The following TMEM178B variants were observed in gnomAD, a reference collection of about 807,000 sequenced individuals.
TMEM178B encodes the protein transmembrane protein 178B.
TMEM178B carries 5 observed loss-of-function variants against 31.0 expected under a neutral mutation model. The ratio of observed to expected loss-of-function variants is 0.16; its 90% CI spans 0.08 to 0.34. The LOEUF (loss-of-function observed/expected upper bound fraction) is 0.34. TMEM178B is among the 10% of genes least tolerant of loss of function. The pLI, the probability that TMEM178B is intolerant of heterozygous loss-of-function variation, is 1.00. For missense variants in TMEM178B, 275 were observed against 400.3 expected, an observed-to-expected ratio of 0.69 and a Z score of 2.67; for synonymous variants, 164 against 164.0, an observed-to-expected ratio of 1.00 and a Z score of 0.00.
the TMEM178B span, among the ~76,000 whole-genome samples, chr7:141,486,540 G>A: frequency 6.6e-6 from 1 of 151,938 alleles, no homozygotes; most frequent in Admixed American, 6.6e-5. Flanking sequence ...CTAGGGTGGG[G>A]GACTCCTTAG....
rs116068841 is a variant in TMEM178B, at chr7:141,246,846, G to A, written c.496+34142G>A. On this transcript the variant is annotated intron_variant, in intron 2 of 3. Coordinates refer to ENST00000565468, the MANE Select transcript of TMEM178B (RefSeq NM_001195278.2). ...CCTTAGGGGCTACGGGGCTGCTGTA[G>A]GATCTGAATAAGGGAGCATGTCCAG... Among the ~76,000 whole-genome samples the A allele has an allele frequency of 4.7e-3, 710 of 152,228 alleles. 6 individuals carry two copies. Among genetic ancestry groups the A allele is most frequent in the African/African-American group, 0.016 (673 of 41,522 alleles).
At chr7:141,363,585 G>T (rs1434763571) in intron 2 of TMEM178B, among the ~76,000 whole-genome samples, 1 of 152,178 alleles carries the variant, frequency 6.6e-6, no homozygotes, top group African/African-American at 2.4e-5. Context: ...GCTCTCTGAG[G>T]CTGAATGTTT....
rs2129182770 is a variant in TMEM178B, at chr7:141,171,153, G to A, written c.383-41438G>A. Among the ~76,000 whole-genome samples, 1 of 152,076 alleles carries A rather than the reference G, an allele frequency of 6.6e-6. No homozygotes were observed. Among genetic ancestry groups the A allele is most frequent in the Middle Eastern group, 3.4e-3 (1 of 294 alleles). ...ACTCTTAGCTCTTCAGGGTAGGCCT[G>A]TTGTTTATTTAAAAATAGGTTGGGT... is the stretch of plus-strand genomic sequence containing the variant. On this transcript the variant is annotated intron_variant, in intron 1 of 3. Transcript: ENST00000565468. The surrounding 1 kb of genome is among the most constrained non-coding windows in gnomAD (Gnocchi z 4.3).
intron 1 of TMEM178B, among the ~76,000 whole-genome samples, chr7:141,115,113 G>A (rs1488612663): frequency 6.6e-6 from 1 of 152,006 alleles, no homozygotes; most frequent in Non-Finnish European, 1.5e-5. Flanking sequence ...CGTGATCTTG[G>A]CTCACTGCAA....
chr7:141,506,012 G>T, the TMEM178B span, among the ~76,000 whole-genome samples: 1 of 152,194 alleles, frequency 6.6e-6, no homozygotes, highest in Non-Finnish European at 1.5e-5. Flanking sequence ...TATGGGCCAG[G>T]TCCCTTTGCA....
chr7:141,172,369 G>A (rs1288989528), intron 1 of TMEM178B, among the ~76,000 whole-genome samples: 1 of 152,132 alleles, frequency 6.6e-6, no homozygotes, highest in African/African-American at 2.4e-5. Context: ...CCCTTGATGG[G>A]GAGTGTTGGG....
At chr7:141,493,175 C>A in the TMEM178B span, among the ~76,000 whole-genome samples, 2 of 152,158 alleles carry the variant, frequency 1.3e-5, no homozygotes, top group African/African-American at 4.8e-5. Context: ...GACATCTCCC[C>A]AACCCCAACT....
intron 2 of TMEM178B, among the ~76,000 whole-genome samples, chr7:141,369,040 C>G (rs530611774): frequency 6.6e-6 from 1 of 152,190 alleles, no homozygotes; most frequent in Non-Finnish European, 1.5e-5. Context: ...TTGCTCACCC[C>G]CCTTTCCCAG....
Position 141,134,902 on chromosome 7 carries a change from A to G in TMEM178B, c.382+60210A>G, listed in dbSNP as rs528509910. 5.9e-5 allele frequency among the ~76,000 whole-genome samples: 9 copies of G among 152,272 alleles called. No individual in the cohort carries two copies. In the East Asian group the frequency reaches 1.4e-3, roughly 23 times the overall value. On this transcript the variant is annotated intron_variant, in intron 1 of 3. Transcript: ENST00000565468. ...ATCTTATATCTCCCATAAGTACCAC[A>G]TGTTTTGGGAGGGAGCCAGTGGGAG...
At chr7:141,429,696 C>G (rs1027480069) in intron 2 of TMEM178B, 1 of 152,176 alleles carries the variant, frequency 6.6e-6, no homozygotes, top group African/African-American at 2.4e-5. Context: ...GTAGCTGTTA[C>G]GTGCTCCTCC....
At chr7:141,390,181 A>C (rs1800509516) in intron 2 of TMEM178B, among the ~76,000 whole-genome samples, 1 of 152,252 alleles carries the variant, frequency 6.6e-6, no homozygotes. Context: ...AAGCCAAGCC[A>C]AAACTGAGTT....
intron 1 of TMEM178B, among the ~76,000 whole-genome samples, chr7:141,077,251 C>G (rs1247802098): frequency 6.6e-6 from 1 of 152,206 alleles, no homozygotes; most frequent in Non-Finnish European, 1.5e-5. Flanking sequence ...TCTCAGACCT[C>G]TGTCTTCTTT....
chr7:141,486,106 G>C, the TMEM178B span, among the ~76,000 whole-genome samples: 4 of 152,230 alleles, frequency 2.6e-5, no homozygotes, highest in African/African-American at 9.6e-5. Flanking sequence ...TAACAACATG[G>C]ATGGAACTGG....
chr7:141,334,676 C>G (rs1340686928), intron 2 of TMEM178B, among the ~76,000 whole-genome samples: 1 of 152,174 alleles, frequency 6.6e-6, no homozygotes, highest in Non-Finnish European at 1.5e-5. Flanking sequence ...AGACCCTCAT[C>G]CTCCTCCTCT....
intron 2 of TMEM178B, among the ~76,000 whole-genome samples, chr7:141,335,496 A>G (rs1799369000): frequency 6.6e-6 from 1 of 152,140 alleles, no homozygotes; most frequent in Admixed American, 6.5e-5. Flanking sequence ...GGTTCTGGAC[A>G]ATTGGACAGG....
At chr7:141,485,652 A>G in the TMEM178B span, among the ~76,000 whole-genome samples, 1 of 152,250 alleles carries the variant, frequency 6.6e-6, no homozygotes, top group African/African-American at 2.4e-5. Flanking sequence ...CATAAAGAAT[A>G]CCAGTGGGAA....
chr7:141,118,740 C>T (rs1795363720), intron 1 of TMEM178B, among the ~76,000 whole-genome samples: 1 of 152,096 alleles, frequency 6.6e-6, no homozygotes. Context: ...GGTTAATTTG[C>T]CTATTTGAAA....
chr7:141,385,230 A>G lies in TMEM178B; in HGVS notation c.497-52378A>G, dbSNP rs1046418176. 2.6e-5 allele frequency among the ~76,000 whole-genome samples: 4 copies of G among 152,326 alleles called. No homozygotes were observed. In the South Asian group the frequency reaches 8.3e-4, roughly 32 times the overall value. ...ATGTTTCATGGTCCTTAATTATGGCAGCTCTTCAGTAGCTGCAATGTGTCC... is the reference window on the plus strand; with the variant it reads ...ATGTTTCATGGTCCTTAATTATGGCGGCTCTTCAGTAGCTGCAATGTGTCC... On this transcript the variant is annotated intron_variant, in intron 2 of 3. Coordinates refer to ENST00000565468, the MANE Select transcript of TMEM178B (RefSeq NM_001195278.2).
intron 2 of TMEM178B, among the ~76,000 whole-genome samples, chr7:141,348,633 A>G (rs964468230): frequency 6.6e-6 from 1 of 152,128 alleles, no homozygotes; most frequent in Non-Finnish European, 1.5e-5. Context: ...TTCACCCACA[A>G]GAATATCTCC....
Sources: gnomAD v4.1 joint callset for allele counts (sites outside exome capture counted in the v4.1 genomes callset) on GRCh38, gnomAD v4.1.1 for gene constraint, Gnocchi (gnomAD v3.1) non-coding constraint, MANE v1.5 for transcripts, NCBI Gene and HGNC (gene_info 2026-07-23, HGNC 2026-07-21) for gene names.